The following PAPSS2 variants were observed in gnomAD, a reference collection of about 807,000 sequenced individuals.
The protein encoded by PAPSS2 is bifunctional 3'-phosphoadenosine 5'-phosphosulfate synthase 2.
Under a neutral mutation model 66.5 loss-of-function variants are expected in PAPSS2, and 61 were observed. That is an observed-to-expected ratio of 0.92 (90% CI 0.75 to 1.14). PAPSS2 has a LOEUF of 1.14. Ranked by LOEUF, PAPSS2 falls within the 50% of genes most tolerant of loss-of-function variation. The pLI is 0.00. For synonymous variants in PAPSS2, 289 were observed against 287.5 expected, an observed-to-expected ratio of 1.01 and a Z score of -0.05; for missense variants, 708 against 789.6, an observed-to-expected ratio of 0.90 and a Z score of 1.24.
At chr10:87,701,327 C>CCTTCCTTTCTTT (rs1354912090) in intron 1 of PAPSS2, among the ~76,000 whole-genome samples, 5 of 72,252 alleles carry the variant, frequency 6.9e-5, no homozygotes, top group Admixed American at 1.7e-4. Flanking sequence ...TTCCTTCCTT[C>CCTTCCTTTCTTT]CTTTCTTTCT....
chr10:87,692,365 G>C (rs933326337), intron 1 of PAPSS2, among the ~76,000 whole-genome samples: 1 of 152,136 alleles, frequency 6.6e-6, no homozygotes, highest in Non-Finnish European at 1.5e-5. Context: ...CTTGGAAGCA[G>C]GTACAAATCA....
At chr10:87,701,323 CCTTCCTTTCTTT>C (rs1205821521) in intron 1 of PAPSS2, among the ~76,000 whole-genome samples, 1,104 of 83,508 alleles carry the variant, frequency 0.013, 10 homozygotes, top group Non-Finnish European at 0.015. Flanking sequence ...TTCCTTCCTT[CCTTCCTTTCTTT>C]CTTTCTTTCT....
At chr10:87,732,616 A>C (rs1229570231) in intron 9 of PAPSS2, among the ~76,000 whole-genome samples, 1 of 152,234 alleles carries the variant, frequency 6.6e-6, no homozygotes, top group Admixed American at 6.5e-5. Context: ...CATAACTTTT[A>C]AAATGCACTG....
At chr10:87,688,443 T>TTTTATTTTATTTATTTA (rs541821509) in intron 1 of PAPSS2, among the ~76,000 whole-genome samples, 25 of 138,126 alleles carry the variant, frequency 1.8e-4, no homozygotes, top group African/African-American at 4.2e-4. Context: ...TTCTTTTTTA[T>TTTTATTTTATTTATTTA]TTTATTTATT....
At chr10:87,668,881 C>G (rs1431421499) in intron 1 of PAPSS2, among the ~76,000 whole-genome samples, 4 of 152,296 alleles carry the variant, frequency 2.6e-5, no homozygotes, top group Middle Eastern at 3.4e-3. Context: ...TACCACTTCT[C>G]TCTTTATCAC....
intron 1 of PAPSS2, 119 bp downstream of exon 1, chr10:87,660,127 G>T: frequency 1.0e-6 from 1 of 999,782 alleles, no homozygotes; most frequent in Non-Finnish European, 1.5e-6. Context: ...GGGAGGAGGA[G>T]TAAGAGTGGG....
chr10:87,683,544 C>T (rs551220514), intron 1 of PAPSS2, among the ~76,000 whole-genome samples: 1 of 152,300 alleles, frequency 6.6e-6, no homozygotes, highest in Admixed American at 6.5e-5. Flanking sequence ...TTTGCATTCA[C>T]GTGCAGGGTT....
chr10:87,724,853 C>T (rs1853639888), intron 8 of PAPSS2, among the ~76,000 whole-genome samples: 1 of 148,098 alleles, frequency 6.8e-6, no homozygotes, highest in Non-Finnish European at 1.5e-5. Flanking sequence ...TCTGTCTATA[C>T]ACACACACAC....
intron 1 of PAPSS2, among the ~76,000 whole-genome samples, chr10:87,689,751 A>C (rs2131912358): frequency 6.7e-6 from 1 of 149,136 alleles, no homozygotes; most frequent in African/African-American, 2.4e-5. Context: ...AGAAAAGACC[A>C]ATAATGGAAT....
chr10:87,734,845 T>G (rs1853777858), intron 9 of PAPSS2, among the ~76,000 whole-genome samples: 1 of 151,424 alleles, frequency 6.6e-6, no homozygotes, highest in South Asian at 2.1e-4. Context: ...TCTGCTCCCT[T>G]TTTGCATTCT....
intron 8 of PAPSS2, among the ~76,000 whole-genome samples, chr10:87,726,857 C>T (rs1456780134): frequency 3.9e-5 from 6 of 152,134 alleles, no homozygotes; most frequent in Admixed American, 6.5e-5. Context: ...ACTTGCTTAA[C>T]GTTCTTACAA....
At chr10:87,699,294 A>G (rs4933454) in intron 1 of PAPSS2, among the ~76,000 whole-genome samples, 73,059 of 152,014 alleles carry the variant, frequency 0.48, 18,223 homozygotes, top group East Asian at 0.65. Context: ...AGGTTAACAT[A>G]TATATTTTTT....
At position 87,745,083 on chromosome 10, in the gene PAPSS2, C is replaced by G. The variant is rs183674358; in HGVS notation, c.1573C>G (p.Pro525Ala). The change falls in exon 12 of 13, where the codon CCT becomes GCT. Residue 525 changes from proline to alanine, a missense_variant. Transcript: ENST00000456849. ...GAGGGACCCTGCAGGAATGCCCCAT[C>G]CTGAAACCAAGAAGGATCTGTATGA... ...VGRDPAGMPH[P>A]ETKKDLYEPT... is the part of the protein sequence containing the mutation. The G allele has an allele frequency of 9.9e-6, 16 of 1,614,130 alleles. No homozygotes were observed. In the East Asian group the frequency reaches 3.1e-4, roughly 31 times the overall value.
At chr10:87,725,852 T>A (rs1197600825) in intron 8 of PAPSS2, among the ~76,000 whole-genome samples, 3 of 145,234 alleles carry the variant, frequency 2.1e-5, no homozygotes, top group Non-Finnish European at 4.5e-5. Flanking sequence ...CATGCCAACA[T>A]GTCCAGCTAA....
At chr10:87,679,359 G>A (rs1029878549) in intron 1 of PAPSS2, among the ~76,000 whole-genome samples, 4 of 152,286 alleles carry the variant, frequency 2.6e-5, no homozygotes, top group African/African-American at 4.8e-5. Flanking sequence ...AAGTTCTATC[G>A]TTCTACAGCA....
chr10:87,727,575 C>A, intron 9 of PAPSS2, 86 bp downstream of exon 9: 2 of 1,103,222 alleles, frequency 1.8e-6, no homozygotes, highest in Non-Finnish European at 2.7e-6. Context: ...TTGCAAAGGA[C>A]TTAGAAAAAC....
chr10:87,706,084 GTATATATA>G (rs532950801), intron 1 of PAPSS2, among the ~76,000 whole-genome samples: 3 of 60,182 alleles, frequency 5.0e-5, no homozygotes, highest in East Asian at 4.8e-4. Flanking sequence ...TCTTCACATG[GTATATATA>G]TATATATATA....
chr10:87,669,123 T>C (rs1852846521), intron 1 of PAPSS2, among the ~76,000 whole-genome samples: 1 of 152,220 alleles, frequency 6.6e-6, no homozygotes, highest in South Asian at 2.1e-4. Flanking sequence ...ACTGTTTCTC[T>C]TTAGAAAATT....
Position 87,688,040 on chromosome 10 carries a change from G to A in PAPSS2, c.28-21156G>A, listed in dbSNP as rs140287488. 6.8e-3 allele frequency among the ~76,000 whole-genome samples: 1,030 copies of A among 152,044 alleles called. 11 individuals are homozygous for A. Among genetic ancestry groups the A allele is most frequent in the African/African-American group, 0.023 (962 of 41,442 alleles). ...TATATTTAATATTCATTTCTGTCAG[G>A]GTTGAATTTGATCCAGGAGAAATGG... On this transcript the variant is annotated intron_variant, in intron 1 of 12. Coordinates refer to ENST00000456849, the MANE Select transcript of PAPSS2 (RefSeq NM_001015880.2).
Sources: allele counts gnomAD v4.1 joint callset (sites outside exome capture counted in the v4.1 genomes callset), GRCh38; gene constraint gnomAD v4.1.1; transcripts MANE v1.5; gene names NCBI Gene and HGNC (gene_info 2026-07-23, HGNC 2026-07-21).